ALDH1A2: variants seen among roughly 807,000 people sequenced by gnomAD.
ALDH1A2 encodes the protein retinal dehydrogenase 2.
In ALDH1A2, 27 loss-of-function variants were observed where a neutral mutation model predicts 60.3. The ratio of observed to expected loss-of-function variants is 0.45; its 90% confidence interval spans 0.33 to 0.62. The LOEUF is 0.62. Ranked by LOEUF, ALDH1A2 falls within the 20% of genes least tolerant of loss-of-function variation. The pLI is 0.02. For synonymous variants in ALDH1A2, 289 were observed against 232.4 expected, an observed-to-expected ratio of 1.24 and a Z score of -2.21; for missense variants, 581 against 643.8, an observed-to-expected ratio of 0.90 and a Z score of 1.06.
At chr15:58,015,078 T>G (rs1383737284) in intron 1 of ALDH1A2, among the ~76,000 whole-genome samples, 2 of 152,194 alleles carry the variant, frequency 1.3e-5, no homozygotes, top group African/African-American at 2.4e-5. Flanking sequence ...TTTTAAATTC[T>G]TATTGAGTGA....
intron 12 of ALDH1A2, among the ~76,000 whole-genome samples, chr15:57,956,142 A>T (rs956224199): frequency 5.9e-5 from 9 of 152,060 alleles, no homozygotes; most frequent in African/African-American, 2.2e-4. Context: ...GCCTTCCACC[A>T]AACATAGGGT....
chr15:57,987,683 A>G (rs1185271407), intron 7 of ALDH1A2, among the ~76,000 whole-genome samples: 2 of 152,132 alleles, frequency 1.3e-5, no homozygotes, highest in East Asian at 1.9e-4. Flanking sequence ...GATCCAGACC[A>G]TCCTGGCTAA....
intron 7 of ALDH1A2, among the ~76,000 whole-genome samples, chr15:57,970,312 T>C (rs1219522267): frequency 6.6e-6 from 1 of 152,214 alleles, no homozygotes; most frequent in Non-Finnish European, 1.5e-5. Flanking sequence ...CAGCTCTGTG[T>C]ACCCCAAACA....
At chr15:58,031,569 G>A (rs576916931) in intron 1 of ALDH1A2, among the ~76,000 whole-genome samples, 1 of 152,262 alleles carries the variant, frequency 6.6e-6, no homozygotes, top group Admixed American at 6.5e-5. Flanking sequence ...TCATCAGAGT[G>A]AACAGGCAAC....
chr15:58,021,992 C>T (rs1895941906), intron 1 of ALDH1A2, among the ~76,000 whole-genome samples: 2 of 152,184 alleles, frequency 1.3e-5, no homozygotes, highest in Admixed American at 1.3e-4. Flanking sequence ...ATGAAAGAGG[C>T]ACAATTCCCC....
chr15:57,991,989 T>C (rs1293186153), intron 7 of ALDH1A2, among the ~76,000 whole-genome samples: 1 of 152,216 alleles, frequency 6.6e-6, no homozygotes, highest in South Asian at 2.1e-4. Flanking sequence ...ATGGGTCAAA[T>C]ATACCCTGCT....
rs1895349340 is a variant in ALDH1A2 at position 58,003,627 on chromosome 15, G to T, written c.493+7022C>A. On this transcript the variant is annotated intron_variant, in intron 4 of 12. Coordinates refer to ENST00000249750, the MANE Select transcript of ALDH1A2 (RefSeq NM_003888.4). Reference sequence around the variant, plus strand: ...ACACTTGCTACAGAGAAAAATCTAAGGCAATACAAATTAACTTCCATTTCT... The same window carrying T: ...ACACTTGCTACAGAGAAAAATCTAATGCAATACAAATTAACTTCCATTTCT... 3.3e-5 allele frequency among the ~76,000 whole-genome samples: 5 copies of T among 151,726 alleles called. No individual in the cohort carries two copies. The South Asian group carries it at 8.3e-4, about 25-fold the overall frequency.
At chr15:58,063,669 T>C (rs142925538) in intron 1 of ALDH1A2, among the ~76,000 whole-genome samples, 246 of 152,280 alleles carry the variant, frequency 1.6e-3, no homozygotes, top group African/African-American at 5.6e-3. Flanking sequence ...TTACAAGTTT[T>C]TGTGGAAAGA....
chr15:57,974,447 AAAAAAAG>A (rs1566933973), intron 7 of ALDH1A2, among the ~76,000 whole-genome samples: 1 of 127,656 alleles, frequency 7.8e-6, no homozygotes, highest in Non-Finnish European at 1.8e-5. Context: ...AAAAAAAAAA[AAAAAAAG>A]AAAGAAATAG....
rs1336178935 is a variant in ALDH1A2 at position 58,065,381 on chromosome 15, A to G, written c.117+153T>C. 3.9e-6 allele frequency: 3 copies of G among 768,144 alleles called. No homozygotes were observed. In the Admixed American group the frequency reaches 5.8e-5, roughly 15 times the overall value. The allele number at this position is 768,144 out of a possible 1,614,324, so 47.6% of individuals were successfully genotyped here. A position where few individuals can be genotyped will look rare whatever the true frequency, so the allele number is the denominator to read the frequency against. ...GGCTTCAAACGCCCCAGTCCCGAAG[A>G]CAGGCAGGGGGTCCCTCTGCTGCGC... On this transcript the variant is annotated intron_variant, in intron 1 of 12. Coordinates refer to ENST00000249750, the MANE Select transcript of ALDH1A2 (RefSeq NM_003888.4).
intron 7 of ALDH1A2, among the ~76,000 whole-genome samples, chr15:57,968,483 A>G (rs879443726): frequency 6.6e-6 from 1 of 152,040 alleles, no homozygotes; most frequent in Non-Finnish European, 1.5e-5. Context: ...GCATTCTGTC[A>G]TTTTTCTGTT....
intron 7 of ALDH1A2, among the ~76,000 whole-genome samples, chr15:57,989,982 A>G (rs1389410814): frequency 3.6e-5 from 2 of 54,944 alleles, no homozygotes; most frequent in Non-Finnish European, 1.0e-4. Context: ...CCTGGGCGAC[A>G]GAGCGAGACT....
At chr15:57,973,764 G>A (rs1352873476) in intron 7 of ALDH1A2, among the ~76,000 whole-genome samples, 3 of 152,256 alleles carry the variant, frequency 2.0e-5, no homozygotes, top group African/African-American at 4.8e-5. Flanking sequence ...TAGAAGTCAC[G>A]GGATTAGTTC....
intron 7 of ALDH1A2, among the ~76,000 whole-genome samples, chr15:57,986,770 T>G (rs565063914): frequency 6.6e-6 from 1 of 152,088 alleles, no homozygotes; most frequent in South Asian, 2.1e-4. Flanking sequence ...CCTCCTGGGT[T>G]CAAGGAATTC....
At position 57,988,383 on chromosome 15, in the gene ALDH1A2, G is replaced by C. The variant is rs559055349; in HGVS notation, c.798+4322C>G. Among the ~76,000 whole-genome samples the C allele has an allele frequency of 3.3e-5, 5 of 152,228 alleles. No individual in the cohort carries two copies. The East Asian group carries it at 7.7e-4, about 24-fold the overall frequency. ...GTAAAATTATCTAACTCAACCAAAA[G>C]AAGGCAGACAAAGAGGGAAAATATG... On this transcript the variant is annotated intron_variant, in intron 7 of 12. Coordinates refer to ENST00000249750, the MANE Select transcript of ALDH1A2 (RefSeq NM_003888.4).
Position 58,065,613 on chromosome 15 carries a change from T to G in ALDH1A2, c.38A>C (p.Lys13Thr). 6.2e-7 allele frequency: 1 copy of G among 1,609,338 alleles called. No individual in the cohort carries two copies. The change falls in exon 1 of 13, where the codon AAG (lysine) becomes ACG (threonine). Residue 13 changes from lysine (K) to threonine (T), a missense_variant. Around this residue, in one of 2 missense-constraint regions of ALDH1A2, gnomAD observed 206 missense variants for 174.1 expected, o/e 1.18. Coordinates refer to ENST00000249750, the MANE Select transcript of ALDH1A2 (RefSeq NM_003888.4). ...SSKIEMPGEVKADPAALMASL... is the reference protein window; with the variant it reads ...SSKIEMPGEVTADPAALMASL... ...CGCCATGAGGGCGGCGGGGTCGGCC[T>G]TCACCTCGCCGGGCATCTCTATCTT...
intron 4 of ALDH1A2, among the ~76,000 whole-genome samples, chr15:58,000,969 A>G (rs1895246581): frequency 6.9e-6 from 1 of 145,934 alleles, no homozygotes; most frequent in Non-Finnish European, 1.5e-5. Context: ...AACTCTACTA[A>G]TTTTCCTGAA....
At chr15:58,062,639 T>A (rs1294140681) in intron 1 of ALDH1A2, among the ~76,000 whole-genome samples, 1 of 152,192 alleles carries the variant, frequency 6.6e-6, no homozygotes, top group Non-Finnish European at 1.5e-5. Context: ...GGTACCAAAT[T>A]GGTCCCCTCA....
chr15:58,003,447 G>A (rs1180493302), intron 4 of ALDH1A2, among the ~76,000 whole-genome samples: 1 of 151,918 alleles, frequency 6.6e-6, no homozygotes, highest in East Asian at 1.9e-4. Flanking sequence ...TTCTTTAACA[G>A]GTTAAACTGG....
Sources: gnomAD v4.1 joint callset for allele counts (sites outside exome capture counted in the v4.1 genomes callset) on GRCh38, gnomAD v4.1.1 for gene constraint, gnomAD v4.1.1 regional missense constraint, MANE v1.5 for transcripts, NCBI Gene and HGNC (gene_info 2026-07-23, HGNC 2026-07-21) for gene names.